The following EFNA2 variants were observed in gnomAD, a reference collection of about 807,000 sequenced individuals.
EFNA2 encodes ephrin-A2.
EFNA2 carries 18 observed loss-of-function variants against 19.7 expected under a neutral mutation model. That is an observed-to-expected ratio of 0.91 (90% confidence interval 0.63 to 1.35). EFNA2 has a LOEUF of 1.35. Ranked by LOEUF, EFNA2 falls within the 40% of genes most tolerant of loss-of-function variation. The pLI is 0.00. For synonymous variants in EFNA2, 187 were observed against 137.8 expected, an observed-to-expected ratio of 1.36 and a Z score of -2.50; for missense variants, 303 against 296.0, an observed-to-expected ratio of 1.02 and a Z score of -0.17.
intron 1 of EFNA2, among the ~76,000 whole-genome samples, chr19:1,291,362 G>T (rs1031861660): frequency 2.6e-5 from 4 of 152,204 alleles, no homozygotes; most frequent in African/African-American, 7.2e-5. Flanking sequence ...CCATCCCGGG[G>T]ACTGATTTCC....
rs915591064 is a variant in EFNA2 at position 1,300,625 on chromosome 19, G to C, written c.*680G>C. On this transcript the variant is annotated 3_prime_UTR_variant, in exon 4 of 4. Transcript: ENST00000215368. ...CTGGTGCTCCAGGTTGGGTGAGTCT[G>C]AGCCGGAAGGGGTACGTGGTGGGCG... is the stretch of plus-strand genomic sequence containing the variant. 5.9e-5 allele frequency among the ~76,000 whole-genome samples: 9 copies of C among 152,138 alleles called. No individual in the cohort carries two copies. Among genetic ancestry groups the C allele is most frequent in the Non-Finnish European group, 1.0e-4 (7 of 68,018 alleles).
intron 2 of EFNA2, among the ~76,000 whole-genome samples, chr19:1,298,050 C>T (rs899835525): frequency 7.4e-5 from 8 of 108,254 alleles, no homozygotes; most frequent in Non-Finnish European, 6.7e-5. Context: ...CCAGCCTGGG[C>T]GACAAGAGCA....
Position 1,298,632 on chromosome 19 carries a change from GA to G in EFNA2, c.520+17del. The G allele has an allele frequency of 6.2e-7, 1 of 1,613,210 alleles. No individual in the cohort carries two copies. Among genetic ancestry groups the G allele is most frequent in the South Asian group, 1.1e-5 (1 of 90,850 alleles). ...CGGCCGACCAGTAAGTGCTCAGGGG[GA>G]TGGGCAGGATCCAGGCCCCCACCCC... On this transcript the variant is annotated intron_variant, in intron 3 of 3. Transcript: ENST00000215368.
At chr19:1,284,767 G>C (rs956855985), upstream of EFNA2, among the ~76,000 whole-genome samples, 5 of 152,326 alleles carry the variant, frequency 3.3e-5, no homozygotes, top group African/African-American at 1.2e-4. This position sits in a 1 kb window ranked among gnomAD's most constrained non-coding sequence, Gnocchi z 5.3. Context: ...GGGACCTTCG[G>C]GTCCAAGGGC....
rs566688757 is a variant in EFNA2, at chr19:1,294,681, G to A, written c.141-864G>A. On this transcript the variant is annotated intron_variant, in intron 1 of 3. Transcript: ENST00000215368. This position sits in a 1 kb window ranked among gnomAD's most constrained non-coding sequence, Gnocchi z 5.8. Reference sequence around the variant, plus strand: ...GGCAGGCTGAGAGAGAGGGGGCGGTGGGCGGAACTCTGGGGGTGCTGAGAG... The same window carrying A: ...GGCAGGCTGAGAGAGAGGGGGCGGTAGGCGGAACTCTGGGGGTGCTGAGAG... Among the ~76,000 whole-genome samples, 37 of 152,000 alleles carry A rather than the reference G, an allele frequency of 2.4e-4. No homozygotes were observed. The highest frequency in any genetic ancestry group is 3.8e-4 in the Non-Finnish European group (26 of 67,954).
rs111276908 is a variant in EFNA2 at position 1,287,065 on chromosome 19, G to C, written c.140+757G>C. 1.8e-3 allele frequency among the ~76,000 whole-genome samples: 272 copies of C among 152,356 alleles called. No homozygotes were observed. The highest frequency in any genetic ancestry group is 6.3e-3 in the African/African-American group (261 of 41,592). ...AGTGCCCTGCCTGCCACGCCCGGCC[G>C]AGATGCCGCACCCGCCTGCTGCAGG... On this transcript the variant is annotated intron_variant, in intron 1 of 3. Transcript: ENST00000215368. This position sits in a 1 kb window ranked among gnomAD's most constrained non-coding sequence, Gnocchi z 6.2.
intron 1 of EFNA2, among the ~76,000 whole-genome samples, chr19:1,291,219 T>A (rs915952744): frequency 2.6e-5 from 4 of 152,244 alleles, no homozygotes; most frequent in African/African-American, 9.6e-5. Flanking sequence ...ACGCCCACGG[T>A]GACGGAAGCC....
At position 1,295,128 on chromosome 19, in the gene EFNA2, T is replaced by C. The variant is rs2081507952; in HGVS notation, c.141-417T>C. The stretch of plus-strand genomic sequence containing the variant: ...GGCAAGAGATCGTGGGCTCCCAACC[T>C]TGGAAGCCCGCCGTGATTGGGGTGT... On this transcript the variant is annotated intron_variant, in intron 1 of 3. Coordinates refer to ENST00000215368, the MANE Select transcript of EFNA2 (RefSeq NM_001405.4). This position sits in a 1 kb window ranked among gnomAD's most constrained non-coding sequence, Gnocchi z 5.8. Among the ~76,000 whole-genome samples the C allele has an allele frequency of 6.6e-6, 1 of 152,050 alleles. No homozygotes were observed. The highest frequency in any genetic ancestry group is 1.5e-5 in the Non-Finnish European group (1 of 67,998).
In EFNA2 at chr19:1,299,807, G is replaced by C. The variant is rs1452004452; in HGVS notation, c.521-17G>C. 5 of 1,591,710 alleles carry C rather than the reference G, an allele frequency of 3.1e-6. No homozygotes were observed. In the East Asian group the frequency reaches 6.8e-5, roughly 22 times the overall value. On this transcript the variant is annotated splice_polypyrimidine_tract_variant and intron_variant, in intron 3 of 3. Coordinates refer to ENST00000215368, the MANE Select transcript of EFNA2 (RefSeq NM_001405.4). ...GGTTCGGGCGGCCGCTGAGCGTGCT[G>C]TCTCTGCCACCCGCAGACGAGACCC...
Position 1,298,579 on chromosome 19 carries a change from G to T in EFNA2, c.483G>T (p.Arg161=). The T allele has an allele frequency of 6.2e-7, 1 of 1,614,002 alleles. No individual in the cohort carries two copies. Among genetic ancestry groups the T allele is most frequent in the East Asian group, 2.2e-5 (1 of 44,878 alleles). Residue 161 remains arginine, a synonymous_variant, in exon 3 of 4, where the codon CGG becomes CGT. Coordinates refer to ENST00000215368, the MANE Select transcript of EFNA2 (RefSeq NM_001405.4). ...CCACGCCTCCCAATGCTGTGGACCG[G>T]CCCTGCCTGCGACTGAAGGTGTACG... is the stretch of plus-strand genomic sequence containing the variant. ...ISATPPNAVD[R]PCLRLKVYVR...
At chr19:1,291,340 G>C (rs891397105) in intron 1 of EFNA2, among the ~76,000 whole-genome samples, 2 of 152,198 alleles carry the variant, frequency 1.3e-5, no homozygotes, top group Non-Finnish European at 2.9e-5. Context: ...CCTTTCTTGG[G>C]CAGACCTTGC....
Position 1,287,844 on chromosome 19 carries a change from C to T in EFNA2, c.140+1536C>T, listed in dbSNP as rs1397284362. Among the ~76,000 whole-genome samples, 1 of 152,256 alleles carries T rather than the reference C, an allele frequency of 6.6e-6. No individual in the cohort carries two copies. The highest frequency in any genetic ancestry group is 1.5e-5 in the Non-Finnish European group (1 of 68,040). ...TCTCCCGTCCCCAGCGTGGCCTGTCCTTTGTTCTAGCAAACGCCAAACACA... is the reference window on the plus strand; with the variant it reads ...TCTCCCGTCCCCAGCGTGGCCTGTCTTTTGTTCTAGCAAACGCCAAACACA... On this transcript the variant is annotated intron_variant, in intron 1 of 3. Coordinates refer to ENST00000215368, the MANE Select transcript of EFNA2 (RefSeq NM_001405.4). This position sits in a 1 kb window ranked among gnomAD's most constrained non-coding sequence, Gnocchi z 6.2.
chr19:1,292,441 G>A (rs904321373), intron 1 of EFNA2, among the ~76,000 whole-genome samples: 2 of 152,218 alleles, frequency 1.3e-5, no homozygotes, highest in Admixed American at 6.5e-5. Flanking sequence ...CTGTATGCAG[G>A]GCCTGTGTAG....
In EFNA2 at chr19:1,286,275, G is replaced by A; in HGVS notation, c.107G>A (p.Arg36His). ...GACGCCGCCCGCGCCAACTCGGACC[G>A]CTACGCCGTCTACTGGAACCGCAGC... The part of the protein sequence containing the change: ...AEDAARANSD[R>H]YAVYWNRSNP... Residue 36 changes from arginine (R) to histidine (H), a missense_variant, in exon 1 of 4, where the codon CGC becomes CAC. Coordinates refer to ENST00000215368, the MANE Select transcript of EFNA2 (RefSeq NM_001405.4). This position sits in a 1 kb window ranked among gnomAD's most constrained non-coding sequence, Gnocchi z 5.6. 6 of 1,092,286 alleles carry A rather than the reference G, an allele frequency of 5.5e-6. No homozygotes were observed. The highest frequency in any genetic ancestry group is 2.3e-5 in the South Asian group (1 of 43,732). The allele number at this position is 1,092,286 out of a possible 1,614,324, so 67.7% of individuals were successfully genotyped here. A position where few individuals can be genotyped will look rare whatever the true frequency, so the allele number is the denominator to read the frequency against.
chr19:1,300,459 C>T lies in EFNA2; in HGVS notation c.*514C>T, dbSNP rs989703381. ...ACTCGTGGGGGAACACAGCCGCTCC[C>T]CTCTGCTCTGCACCCCACTCGTGGG... On this transcript the variant is annotated 3_prime_UTR_variant, in exon 4 of 4. Transcript: ENST00000215368. 1.3e-5 allele frequency among the ~76,000 whole-genome samples: 2 copies of T among 150,426 alleles called. No individual in the cohort carries two copies. Among genetic ancestry groups the T allele is most frequent in the Non-Finnish European group, 3.0e-5 (2 of 67,054 alleles).
rs904060422 is a variant in EFNA2, at chr19:1,287,811, C to T, written c.140+1503C>T. Among the ~76,000 whole-genome samples, 1 of 152,268 alleles carries T rather than the reference C, an allele frequency of 6.6e-6. No homozygotes were observed. Among genetic ancestry groups the T allele is most frequent in the African/African-American group, 2.4e-5 (1 of 41,472 alleles). ...CCCCGGCCCAAGTTTTTGGTTTCAGCTGCGGAATCTCCCGTCCCCAGCGTG... is the reference window on the plus strand; with the variant it reads ...CCCCGGCCCAAGTTTTTGGTTTCAGTTGCGGAATCTCCCGTCCCCAGCGTG... On this transcript the variant is annotated intron_variant, in intron 1 of 3. Transcript: ENST00000215368. The surrounding 1 kb of genome is among the most constrained non-coding windows in gnomAD (Gnocchi z 6.2).
In EFNA2 at chr19:1,295,416, C is replaced by T. The variant is rs1023188654; in HGVS notation, c.141-129C>T. On this transcript the variant is annotated intron_variant, in intron 1 of 3. Coordinates refer to ENST00000215368, the MANE Select transcript of EFNA2 (RefSeq NM_001405.4). This position sits in a 1 kb window ranked among gnomAD's most constrained non-coding sequence, Gnocchi z 5.8. ...GACCCGTCCCCCGTGCTCCTGACCCCGGCCCTCGCCGCGCACCCCGACCCG... is the reference window on the plus strand; with the variant it reads ...GACCCGTCCCCCGTGCTCCTGACCCTGGCCCTCGCCGCGCACCCCGACCCG... 31 of 978,918 alleles carry T rather than the reference C, an allele frequency of 3.2e-5. No homozygotes were observed. Among genetic ancestry groups the T allele is most frequent in the African/African-American group, 1.7e-4 (10 of 57,800 alleles). The allele number at this position is 978,918 out of a possible 1,614,324, so 60.6% of individuals were successfully genotyped here. A position where few individuals can be genotyped will look rare whatever the true frequency, so the allele number is the denominator to read the frequency against.
rs921790083 is a variant in EFNA2 at position 1,298,499 on chromosome 19, T to A, written c.455-52T>A. ...GGGAAGGGAGTACAGCCCCAGGAGG[T>A]CTCAGGCACCAAGAGGCACTTCCCC... On this transcript the variant is annotated intron_variant, in intron 2 of 3. Transcript: ENST00000215368. 1.9e-6 allele frequency: 3 copies of A among 1,589,220 alleles called. No individual in the cohort carries two copies. In the African/African-American group the frequency reaches 4.0e-5, roughly 21 times the overall value.
Position 1,295,953 on chromosome 19 carries a change from G to T in EFNA2, c.454+95G>T. ...GGCGGGACCACTGGGGTGGGGCCGG[G>T]GAGTGGGCGGGGCAGCGCAGTGGGC... On this transcript the variant is annotated intron_variant, in intron 2 of 3. Transcript: ENST00000215368. The surrounding 1 kb of genome is among the most constrained non-coding windows in gnomAD (Gnocchi z 5.8). 4 of 1,259,736 alleles carry T rather than the reference G, an allele frequency of 3.2e-6. No homozygotes were observed. Among genetic ancestry groups the T allele is most frequent in the Non-Finnish European group, 4.2e-6 (4 of 955,536 alleles). 78.0% of individuals were successfully genotyped at this position (1,259,736 alleles called of 1,614,324 possible).
Sources: allele counts gnomAD v4.1 joint callset (sites outside exome capture counted in the v4.1 genomes callset), GRCh38; gene constraint gnomAD v4.1.1; non-coding constraint Gnocchi (gnomAD v3.1); transcripts MANE v1.5; gene names NCBI Gene and HGNC (gene_info 2026-07-23, HGNC 2026-07-21).